Variants in TLK2 observed in about 807,000 individuals in gnomAD.
TLK2 encodes tousled like kinase 2.
Under a neutral mutation model 117.3 loss-of-function variants are expected in TLK2, and 6 were observed. That is an observed-to-expected ratio of 0.05 (90% CI 0.03 to 0.10). The LOEUF (loss-of-function observed/expected upper bound fraction) is 0.10, where lower values mean the gene tolerates loss of function less well. TLK2 is among the 10% of genes least tolerant of loss of function. The pLI is 1.00. For synonymous variants in TLK2, 257 were observed against 316.7 expected (o/e 0.81, Z 2.00); for missense variants, 299 against 901.2 (o/e 0.33, Z 8.56).
intron 11 of TLK2, among the ~76,000 whole-genome samples, chr17:62,570,358 T>C (rs1381023458): frequency 6.6e-6 from 1 of 152,164 alleles, no homozygotes; most frequent in African/African-American, 2.4e-5. Context: ...AAATAGCCTC[T>C]TGCTATGGGT....
chr17:62,548,156 A>G (rs1287732708), intron 7 of TLK2, among the ~76,000 whole-genome samples: 1 of 150,696 alleles, frequency 6.6e-6, no homozygotes, highest in African/African-American at 2.4e-5. Context: ...ACGGAAGTTA[A>G]GTGCTCACAC....
chr17:62,484,032 CAGGCTG>C (rs1372167500), intron 2 of TLK2, among the ~76,000 whole-genome samples: 1 of 151,944 alleles, frequency 6.6e-6, no homozygotes, highest in Non-Finnish European at 1.5e-5. Flanking sequence ...CCATATTGGC[CAGGCTG>C]ATCTCGAACT....
chr17:62,494,280 A>T (rs1388272662), intron 2 of TLK2, among the ~76,000 whole-genome samples: 3 of 152,112 alleles, frequency 2.0e-5, no homozygotes, highest in Admixed American at 6.6e-5. Context: ...ATGGGGTTTC[A>T]CCATGCTGGC....
chr17:62,527,364 A>G (rs1157764297), intron 6 of TLK2, among the ~76,000 whole-genome samples: 2 of 152,182 alleles, frequency 1.3e-5, no homozygotes, highest in African/African-American at 4.8e-5. Context: ...TTATACGTAC[A>G]GAAGAGTACA....
intron 16 of TLK2, among the ~76,000 whole-genome samples, chr17:62,589,600 T>C (rs1238177790): frequency 6.6e-6 from 1 of 151,438 alleles, no homozygotes; most frequent in Non-Finnish European, 1.5e-5. Context: ...GCGAGAACTT[T>C]GAATGACATT....
intron 17 of TLK2, among the ~76,000 whole-genome samples, 188 bp downstream of exon 17, chr17:62,596,862 C>T (rs1423858850): frequency 6.6e-6 from 1 of 152,228 alleles, no homozygotes; most frequent in Non-Finnish European, 1.5e-5. Flanking sequence ...GACATGTGCA[C>T]TTGTGTGCCA....
At chr17:62,478,723 C>G (rs1325797136), upstream of TLK2, among the ~76,000 whole-genome samples, 1 of 107,132 alleles carries the variant, frequency 9.3e-6, no homozygotes, top group Admixed American at 9.9e-5. Flanking sequence ...CCTGCTCCCC[C>G]ACTGTCGGCG....
At chr17:62,506,903 T>G (rs1459551339) in intron 2 of TLK2, among the ~76,000 whole-genome samples, 1 of 152,194 alleles carries the variant, frequency 6.6e-6, no homozygotes, top group Non-Finnish European at 1.5e-5. Flanking sequence ...AGAATTTGTT[T>G]TTTCTTTAAT....
intron 2 of TLK2, among the ~76,000 whole-genome samples, chr17:62,487,785 G>A (rs1174259616): frequency 1.2e-4 from 18 of 150,922 alleles, no homozygotes; most frequent in Non-Finnish European, 2.2e-4. Flanking sequence ...CAACACGCCC[G>A]GCTAATTTTG....
Position 62,511,041 on chromosome 17 carries a change from G to A in TLK2, c.82-9732G>A, listed in dbSNP as rs138653694. ...TATAGGAAGGTTCTGTTCATGCACC[G>A]TGCATCTCTCCTCATGTATAATTCT... On this transcript the variant is annotated intron_variant, in intron 2 of 21. Coordinates refer to ENST00000346027, the MANE Select transcript of TLK2 (RefSeq NM_006852.6). 1.1e-3 allele frequency among the ~76,000 whole-genome samples: 168 copies of A among 152,244 alleles called. 1 individual carries two copies. The highest frequency in any genetic ancestry group is 3.8e-3 in the African/African-American group (158 of 41,536).
chr17:62,566,011 T>TG (rs2079758114), intron 11 of TLK2, among the ~76,000 whole-genome samples: 1 of 152,188 alleles, frequency 6.6e-6, no homozygotes, highest in Admixed American at 6.5e-5. Flanking sequence ...CTTGGAATCT[T>TG]GAACATTCAT....
chr17:62,579,906 A>G (rs1003599921), intron 14 of TLK2, among the ~76,000 whole-genome samples: 1 of 152,236 alleles, frequency 6.6e-6, no homozygotes, highest in Non-Finnish European at 1.5e-5. Context: ...CTGTGGCTCT[A>G]TAGCTGGTGC....
chr17:62,486,584 C>T (rs1291980557), intron 2 of TLK2, among the ~76,000 whole-genome samples: 1 of 152,180 alleles, frequency 6.6e-6, no homozygotes, highest in Non-Finnish European at 1.5e-5. Flanking sequence ...ATATTTCACA[C>T]CCTGCTCCCT....
At chr17:62,500,558 C>T (rs1363773966) in intron 2 of TLK2, among the ~76,000 whole-genome samples, 1 of 152,122 alleles carries the variant, frequency 6.6e-6, no homozygotes, top group Non-Finnish European at 1.5e-5. Flanking sequence ...TCCTTAATAA[C>T]TGATAGAACA....
chr17:62,535,595 C>T (rs1334993383), intron 6 of TLK2, among the ~76,000 whole-genome samples: 2 of 151,830 alleles, frequency 1.3e-5, no homozygotes, highest in East Asian at 1.9e-4. Flanking sequence ...GGTGAAACCC[C>T]GTCTCTACTA....
At chr17:62,587,261 T>G (rs771190829) in intron 16 of TLK2, among the ~76,000 whole-genome samples, 43 of 152,326 alleles carry the variant, frequency 2.8e-4, no homozygotes, top group Middle Eastern at 3.4e-3. Flanking sequence ...CAGACTTAAT[T>G]TGCTATTAGG....
At chr17:62,557,706 A>G (rs1034236132) in intron 9 of TLK2, among the ~76,000 whole-genome samples, 8 of 152,214 alleles carry the variant, frequency 5.3e-5, no homozygotes, top group African/African-American at 1.4e-4. Context: ...TTGTACAGAG[A>G]AGCTCTGCTG....
intron 2 of TLK2, among the ~76,000 whole-genome samples, chr17:62,489,203 A>AT (rs755242825): frequency 0.02 from 1,410 of 71,526 alleles, 9 homozygotes; most frequent in African/African-American, 0.044. Context: ...GTGTGTGTAA[A>AT]TTTTTTTTTT....
chr17:62,524,433 A>G, intron 6 of TLK2, 102 bp downstream of exon 6: 2 of 1,305,974 alleles, frequency 1.5e-6, no homozygotes, highest in South Asian at 1.5e-5. Context: ...ACAGGGAATG[A>G]AGCATTAGGG....
Sources: allele counts gnomAD v4.1 joint callset (sites outside exome capture counted in the v4.1 genomes callset), GRCh38; gene constraint gnomAD v4.1.1; transcripts MANE v1.5; gene names NCBI Gene and HGNC (gene_info 2026-07-23, HGNC 2026-07-21).